MKX: variants seen among roughly 807,000 people sequenced by gnomAD.
MKX encodes homeobox protein Mohawk.
MKX carries 13 observed loss-of-function variants against 36.0 expected under a neutral mutation model. The ratio of observed to expected loss-of-function variants is 0.36; its 90% CI spans 0.24 to 0.57. MKX has a LOEUF of 0.57. MKX is among the 20% of genes least tolerant of loss of function. The pLI, the probability that MKX is intolerant of heterozygous loss-of-function variation, is 0.79. For synonymous variants in MKX, 176 were observed against 178.3 expected, an observed-to-expected ratio of 0.99 and a Z score of 0.10; for missense variants, 458 against 456.4, an observed-to-expected ratio of 1.00 and a Z score of -0.03.
intron 5 of MKX, among the ~76,000 whole-genome samples, chr10:27,694,252 G>C (rs1296286563): frequency 1.3e-5 from 2 of 152,016 alleles, no homozygotes; most frequent in East Asian, 3.9e-4. Flanking sequence ...AACAGAAATA[G>C]AGGGAAAGGC....
intron 5 of MKX, among the ~76,000 whole-genome samples, chr10:27,712,965 A>G (rs1326844424): frequency 6.6e-6 from 1 of 152,098 alleles, no homozygotes; most frequent in African/African-American, 2.4e-5. Flanking sequence ...ATAAAGTCAT[A>G]TGAATTGCTG....
chr10:27,701,469 TATA>T (rs1426695838), intron 5 of MKX, among the ~76,000 whole-genome samples: 1 of 146,286 alleles, frequency 6.8e-6, no homozygotes, highest in Non-Finnish European at 1.5e-5. Context: ...TAAAATTATA[TATA>T]AAAGGTGTAT....
rs2132478957 is a variant in MKX at position 27,673,848 on chromosome 10, T to C, written c.*1381A>G. On this transcript the variant is annotated 3_prime_UTR_variant, in exon 7 of 7. Transcript: ENST00000419761. Reference sequence around the variant, plus strand: ...CCACTGGCTGCACTATTGACCCTCATTCACACTGACAAAAATGCTTTCCAG... The same window carrying C: ...CCACTGGCTGCACTATTGACCCTCACTCACACTGACAAAAATGCTTTCCAG... 6.6e-6 allele frequency: 1 copy of C among 152,366 alleles called. No homozygotes were observed. Among genetic ancestry groups the C allele is most frequent in the Non-Finnish European group, 1.5e-5 (1 of 67,922 alleles). The allele number at this position is 152,366 out of a possible 1,614,324, so 9.4% of individuals were successfully genotyped here. A position where few individuals can be genotyped will look rare whatever the true frequency, so the allele number is the denominator to read the frequency against.
chr10:27,729,592 C>A (rs1834578636), intron 5 of MKX, among the ~76,000 whole-genome samples: 1 of 151,912 alleles, frequency 6.6e-6, no homozygotes, highest in East Asian at 1.9e-4. Context: ...CAGGCATGAG[C>A]CACCGCTCCT....
chr10:27,708,629 T>G (rs767512397), intron 5 of MKX, among the ~76,000 whole-genome samples: 46 of 151,390 alleles, frequency 3.0e-4, no homozygotes, highest in Non-Finnish European at 5.4e-4. Flanking sequence ...CTTGGGAGGC[T>G]GAGGCAAGAG....
At chr10:27,740,552 C>G (rs1450325544) in intron 3 of MKX, among the ~76,000 whole-genome samples, 1 of 152,164 alleles carries the variant, frequency 6.6e-6, no homozygotes, top group Non-Finnish European at 1.5e-5. Context: ...CCTACAACAT[C>G]GTGGTTTTGT....
chr10:27,737,934 T>C (rs1260679053), intron 3 of MKX, among the ~76,000 whole-genome samples: 2 of 152,138 alleles, frequency 1.3e-5, no homozygotes, highest in African/African-American at 4.8e-5. Context: ...AGTAATACAC[T>C]ACCCTTCTAA....
chr10:27,674,685 G>A lies in MKX; in HGVS notation c.*544C>T, dbSNP rs1342462988. ...TGTAACATATCAAATATGCAGGCAA[G>A]ATACATGCATAAAATTCTCACCGTC... On this transcript the variant is annotated 3_prime_UTR_variant, in exon 7 of 7. Transcript: ENST00000419761. The A allele has an allele frequency of 1.3e-5, 2 of 152,314 alleles. No individual in the cohort carries two copies. Among genetic ancestry groups the A allele is most frequent in the Admixed American group, 1.3e-4 (2 of 15,270 alleles). 9.4% of individuals were successfully genotyped at this position (152,314 alleles called of 1,614,324 possible). A position where few individuals can be genotyped will look rare whatever the true frequency, so the allele number is the denominator to read the frequency against.
At position 27,722,562 on chromosome 10, in the gene MKX, G is replaced by A. The variant is rs1290663254; in HGVS notation, c.838+11894C>T. Among the ~76,000 whole-genome samples, 8 of 152,288 alleles carry A rather than the reference G, an allele frequency of 5.3e-5. No homozygotes were observed. The South Asian group carries it at 1.2e-3, about 24-fold the overall frequency. The stretch of plus-strand genomic sequence containing the variant: ...CACACACCCAGTTGCTAACAGATCT[G>A]GCCAATACACAGAGCTGCTGATTTC... On this transcript the variant is annotated intron_variant, in intron 5 of 6. Transcript: ENST00000419761.
At chr10:27,688,948 G>A (rs909186118) in intron 5 of MKX, among the ~76,000 whole-genome samples, 1 of 152,002 alleles carries the variant, frequency 6.6e-6, no homozygotes, top group Admixed American at 6.6e-5. Context: ...TTTTTAAATG[G>A]AAAAAAATGT....
chr10:27,717,936 G>A (rs1378452455), intron 5 of MKX, among the ~76,000 whole-genome samples: 1 of 152,202 alleles, frequency 6.6e-6, no homozygotes, highest in Non-Finnish European at 1.5e-5. Flanking sequence ...TCCACTGAAA[G>A]CTTGCTGCTC....
chr10:27,677,203 G>A (rs1159316973), intron 5 of MKX, among the ~76,000 whole-genome samples: 1 of 152,112 alleles, frequency 6.6e-6, no homozygotes, highest in Admixed American at 6.6e-5. Flanking sequence ...TTGGCACTGT[G>A]CTGCACACAG....
intron 5 of MKX, among the ~76,000 whole-genome samples, chr10:27,727,362 T>G (rs1834514056): frequency 6.6e-6 from 1 of 152,246 alleles, no homozygotes; most frequent in Non-Finnish European, 1.5e-5. Context: ...CAGCTCATGT[T>G]GCCAATATTT....
intron 5 of MKX, among the ~76,000 whole-genome samples, chr10:27,734,143 A>T (rs1438220643): frequency 1.3e-5 from 2 of 150,768 alleles, no homozygotes; most frequent in East Asian, 3.8e-4. Flanking sequence ...AAAGAATGAA[A>T]ATTCTTCCAT....
chr10:27,740,640 C>T (rs565140088), intron 3 of MKX, among the ~76,000 whole-genome samples: 1 of 152,280 alleles, frequency 6.6e-6, no homozygotes, highest in Non-Finnish European at 1.5e-5. Context: ...AAACTTTGCA[C>T]CATTTCTCTA....
chr10:27,743,538 G>T, intron 1 of MKX, 41 bp from the exon 2 acceptor site: 1 of 1,082,960 alleles, frequency 9.2e-7, no homozygotes, highest in Non-Finnish European at 1.3e-6. Context: ...CTGGCTGAGA[G>T]TGCTCAGACC....
Position 27,680,240 on chromosome 10 carries a change from G to A in MKX, c.839-4686C>T, listed in dbSNP as rs188613023. Among the ~76,000 whole-genome samples, 617 of 152,032 alleles carry A rather than the reference G, an allele frequency of 4.1e-3. 8 individuals carry two copies. The highest frequency in any genetic ancestry group is 0.014 in the African/African-American group (573 of 41,476). On this transcript the variant is annotated intron_variant, in intron 5 of 6. Coordinates refer to ENST00000419761, the MANE Select transcript of MKX (RefSeq NM_173576.3). ...GCCTCTCCAAAGTCTGAGCTAAAAT[G>A]CCTTTTTAGATTCCAAGGTTCCAAA...
At chr10:27,683,019 A>C (rs2132495384) in intron 5 of MKX, among the ~76,000 whole-genome samples, 1 of 152,018 alleles carries the variant, frequency 6.6e-6, no homozygotes, top group Non-Finnish European at 1.5e-5. Flanking sequence ...AAAGAAAAAG[A>C]AGCGCACAAC....
intron 5 of MKX, among the ~76,000 whole-genome samples, chr10:27,728,155 A>G (rs1414392697): frequency 6.6e-6 from 1 of 152,252 alleles, no homozygotes; most frequent in Non-Finnish European, 1.5e-5. Context: ...AAAAAGGCAA[A>G]GCTTAATTCT....
Sources: allele counts gnomAD v4.1 joint callset (sites outside exome capture counted in the v4.1 genomes callset), GRCh38; gene constraint gnomAD v4.1.1; transcripts MANE v1.5; gene names NCBI Gene and HGNC (gene_info 2026-07-23, HGNC 2026-07-21).